ATP10A: variants seen among roughly 807,000 people sequenced by gnomAD.
ATP10A encodes the protein ATPase phospholipid transporting 10A (putative).
ATP10A carries 111 observed loss-of-function variants against 147.8 expected under a neutral mutation model. The ratio of observed to expected loss-of-function variants is 0.75; its 90% CI spans 0.64 to 0.88. The LOEUF is 0.88. ATP10A is among the 40% of genes least tolerant of loss of function. ATP10A has a pLI of 0.00. For missense variants in ATP10A, 1,927 were observed against 1,959.0 expected (o/e 0.98, Z 0.31); for synonymous variants, 875 against 841.6 (o/e 1.04, Z -0.69).
In ATP10A at chr15:25,714,139, T is replaced by C. The variant is rs749590729; in HGVS notation, c.1879A>G (p.Ser627Gly). The C allele has an allele frequency of 7.4e-6, 12 of 1,611,748 alleles. No homozygotes were observed. The East Asian group carries it at 1.3e-4, about 18-fold the overall frequency. ...CLTSGCSSIG[S>G]LAANKSSHKL... ...TGGCTGGACTTGTTGGCGGCCAGGC[T>C]CCCGATGCTGCTGCAGCCTGAGGTC... The change falls in exon 10 of 21, where the codon AGC (serine) becomes GGC (glycine). Residue 627 changes from serine (S) to glycine (G), a missense_variant. Coordinates refer to ENST00000555815, the MANE Select transcript of ATP10A (RefSeq NM_024490.4).
chr15:25,730,239 T>C, intron 3 of ATP10A, among the ~76,000 whole-genome samples: 1 of 149,594 alleles, frequency 6.7e-6, no homozygotes, highest in East Asian at 2.0e-4. Context: ...GAGGTGGAGG[T>C]TGCAGTGAGC....
At chr15:25,810,550 G>A (rs1007248208) in intron 1 of ATP10A, among the ~76,000 whole-genome samples, 4 of 152,130 alleles carry the variant, frequency 2.6e-5, no homozygotes, top group Non-Finnish European at 5.9e-5. Context: ...AAACACACAC[G>A]GGTAAAAGCC....
At chr15:25,735,004 G>A (rs1261669009) in intron 3 of ATP10A, among the ~76,000 whole-genome samples, 2 of 1,022 alleles carry the variant, frequency 2.0e-3, no homozygotes, top group Non-Finnish European at 0.011. Context: ...TGGTGGGAGC[G>A]GGGGGGGGGT....
chr15:25,733,140 G>A (rs1035941337), intron 3 of ATP10A, among the ~76,000 whole-genome samples: 12 of 152,110 alleles, frequency 7.9e-5, no homozygotes, highest in South Asian at 2.1e-4. Flanking sequence ...CAAATCTGCC[G>A]GCATTCCTGG....
At chr15:25,750,677 A>G (rs1157730699) in intron 2 of ATP10A, among the ~76,000 whole-genome samples, 1 of 151,514 alleles carries the variant, frequency 6.6e-6, no homozygotes, top group Non-Finnish European at 1.5e-5. Flanking sequence ...TGTATCATAA[A>G]AATAACATTC....
chr15:25,819,607 A>C (rs1266187682), intron 1 of ATP10A, among the ~76,000 whole-genome samples: 1 of 152,270 alleles, frequency 6.6e-6, no homozygotes, highest in East Asian at 1.9e-4. Context: ...TCATTATATC[A>C]AAAAGACACA....
intron 1 of ATP10A, among the ~76,000 whole-genome samples, chr15:25,818,338 C>T (rs1022983307): frequency 6.6e-5 from 10 of 151,490 alleles, no homozygotes; most frequent in African/African-American, 1.9e-4. Flanking sequence ...GTTTTTAATA[C>T]GAAAAATATA....
intron 1 of ATP10A, among the ~76,000 whole-genome samples, chr15:25,791,766 C>T (rs1890439686): frequency 1.3e-5 from 2 of 152,118 alleles, no homozygotes; most frequent in South Asian, 2.1e-4. Context: ...AAAATATTAA[C>T]CCCTTTTCTG....
intron 2 of ATP10A, among the ~76,000 whole-genome samples, chr15:25,752,846 T>G (rs1019839398): frequency 3.9e-5 from 6 of 152,198 alleles, no homozygotes; most frequent in Non-Finnish European, 8.8e-5. Flanking sequence ...TCAGCAACGT[T>G]TTATAGTTTT....
intron 12 of ATP10A, among the ~76,000 whole-genome samples, chr15:25,706,035 G>A (rs1010396605): frequency 1.3e-5 from 2 of 152,108 alleles, no homozygotes; most frequent in South Asian, 2.1e-4. Context: ...CCGGGATCCC[G>A]ACTCCAATCA....
chr15:25,709,517 C>A, intron 10 of ATP10A: 1 of 152,234 alleles, frequency 6.6e-6, no homozygotes. Flanking sequence ...CCGGGTGTGA[C>A]ACTGAGATTA....
chr15:25,830,138 G>C (rs556095929), intron 1 of ATP10A, among the ~76,000 whole-genome samples: 1 of 152,142 alleles, frequency 6.6e-6, no homozygotes, highest in Non-Finnish European at 1.5e-5. Flanking sequence ...GAGCCACGGA[G>C]AGGAGGAGGC....
At chr15:25,815,721 T>A (rs1308123617) in intron 1 of ATP10A, among the ~76,000 whole-genome samples, 2 of 131,120 alleles carry the variant, frequency 1.5e-5, no homozygotes, top group Non-Finnish European at 3.4e-5. Context: ...AAAAACTGCT[T>A]TTTCCACGAA....
intron 2 of ATP10A, among the ~76,000 whole-genome samples, chr15:25,752,242 G>T (rs1218925045): frequency 6.6e-6 from 1 of 152,096 alleles, no homozygotes; most frequent in Non-Finnish European, 1.5e-5. Flanking sequence ...TTACAATAAT[G>T]GAATCAACCC....
At chr15:25,691,892 C>A in intron 14 of ATP10A, 101 bp from the exon 15 acceptor site, 1 of 1,367,102 alleles carries the variant, frequency 7.3e-7, no homozygotes, top group Admixed American at 1.7e-5. Context: ...GAACTCAGTC[C>A]TGTGAAAGCG....
intron 1 of ATP10A, among the ~76,000 whole-genome samples, chr15:25,804,501 G>A (rs1390452103): frequency 6.6e-6 from 1 of 151,696 alleles, no homozygotes; most frequent in African/African-American, 2.4e-5. Flanking sequence ...GTCTGTGTGT[G>A]TGTGACGTGT....
At chr15:25,821,751 T>G (rs927424181) in intron 1 of ATP10A, among the ~76,000 whole-genome samples, 2 of 152,190 alleles carry the variant, frequency 1.3e-5, no homozygotes, top group Non-Finnish European at 2.9e-5. Context: ...GAATATTTCA[T>G]GGCGTAGGAA....
chr15:25,826,927 T>C (rs1295306628), intron 1 of ATP10A, among the ~76,000 whole-genome samples: 1 of 152,172 alleles, frequency 6.6e-6, no homozygotes, highest in Admixed American at 6.5e-5. Context: ...TCAAAAGAGA[T>C]CTAAACTTAT....
intron 2 of ATP10A, among the ~76,000 whole-genome samples, chr15:25,777,866 C>A (rs1194587762): frequency 6.6e-6 from 1 of 151,214 alleles, no homozygotes; most frequent in Admixed American, 6.6e-5. Context: ...CCTGTCTCAG[C>A]CTCCCAAAGT....
Sources: gnomAD v4.1 joint callset for allele counts (sites outside exome capture counted in the v4.1 genomes callset) on GRCh38, gnomAD v4.1.1 for gene constraint, MANE v1.5 for transcripts, NCBI Gene and HGNC (gene_info 2026-07-23, HGNC 2026-07-21) for gene names.